Variants in HEMK2 observed in about 807,000 individuals in gnomAD.
HEMK2 encodes HemK methyltransferase 2, ETF1 glutamine and histone H4 lysine, also known as methyltransferase HEMK2.
chr21:28,838,521 G>A, the HEMK2 span, among the ~76,000 whole-genome samples: 18 of 149,822 alleles, frequency 1.2e-4, no homozygotes, highest in East Asian at 3.0e-3. Context: ...GCGACAGAGT[G>A]AGACTCTGTC....
At chr21:28,863,840 T>C in the HEMK2 span, among the ~76,000 whole-genome samples, 2 of 152,110 alleles carry the variant, frequency 1.3e-5, no homozygotes, top group Non-Finnish European at 1.5e-5. Context: ...AATTTATTTA[T>C]TTTTTGAGAC....
the HEMK2 span, among the ~76,000 whole-genome samples, chr21:28,772,970 A>G: frequency 6.6e-6 from 1 of 152,216 alleles, no homozygotes; most frequent in African/African-American, 2.4e-5. Context: ...GATTGATTAA[A>G]TTACATGTAA....
chr21:28,811,444 G>A, the HEMK2 span, among the ~76,000 whole-genome samples: 3,517 of 143,154 alleles, frequency 0.025, 159 homozygotes, highest in African/African-American at 0.087. Flanking sequence ...AGGGACGGAC[G>A]CAGGGAGGGA....
At chr21:28,804,472 C>T in the HEMK2 span, among the ~76,000 whole-genome samples, 3 of 152,150 alleles carry the variant, frequency 2.0e-5, no homozygotes, top group Admixed American at 6.5e-5. Context: ...CAGTGGCTCA[C>T]GCCTGTAATC....
At chr21:28,594,625 A>G in the HEMK2 span, among the ~76,000 whole-genome samples, 116 of 152,344 alleles carry the variant, frequency 7.6e-4, 2 homozygotes, top group Admixed American at 3.3e-3. Flanking sequence ...AGTAGGGGGT[A>G]GTTGTAACTT....
chr21:28,709,027 G>A, the HEMK2 span, among the ~76,000 whole-genome samples: 5 of 152,254 alleles, frequency 3.3e-5, no homozygotes, highest in South Asian at 8.3e-4. Context: ...CTTCTTCCAG[G>A]TTGCAGACTG....
the HEMK2 span, among the ~76,000 whole-genome samples, chr21:28,632,401 G>A: frequency 6.6e-6 from 1 of 152,114 alleles, no homozygotes; most frequent in Admixed American, 6.6e-5. Context: ...TATCAGTTGT[G>A]GCAGCAAAAT....
At chr21:28,665,597 A>G in the HEMK2 span, among the ~76,000 whole-genome samples, 2 of 151,712 alleles carry the variant, frequency 1.3e-5, no homozygotes, top group African/African-American at 2.4e-5. Flanking sequence ...CAGGTGCTGG[A>G]GAGGATGTGG....
the HEMK2 span, among the ~76,000 whole-genome samples, chr21:28,830,772 G>A: frequency 6.6e-6 from 1 of 151,972 alleles, no homozygotes; most frequent in Non-Finnish European, 1.5e-5. Flanking sequence ...AGCTACTTGG[G>A]AGGCTGAGGC....
the HEMK2 span, among the ~76,000 whole-genome samples, chr21:28,862,406 G>A: frequency 1.6e-5 from 2 of 121,616 alleles, no homozygotes; most frequent in South Asian, 2.2e-4. Flanking sequence ...TTGGGAGGCC[G>A]AGGCGGGTGG....
the HEMK2 span, among the ~76,000 whole-genome samples, chr21:28,582,184 G>A: frequency 1.3e-5 from 2 of 152,254 alleles, no homozygotes; most frequent in East Asian, 3.9e-4. Flanking sequence ...TCTGTTTGGG[G>A]ACCACTCAGT....
At chr21:28,721,262 T>C in the HEMK2 span, among the ~76,000 whole-genome samples, 4 of 152,070 alleles carry the variant, frequency 2.6e-5, no homozygotes, top group Admixed American at 1.3e-4. Flanking sequence ...ACTACAGGCA[T>C]GCACCACCAT....
chr21:28,584,320 T>A, the HEMK2 span, among the ~76,000 whole-genome samples: 1 of 152,224 alleles, frequency 6.6e-6, no homozygotes, highest in African/African-American at 2.4e-5. Context: ...GTTGTAAAGA[T>A]TTTATTTACA....
the HEMK2 span, among the ~76,000 whole-genome samples, chr21:28,630,721 T>C: frequency 3.7e-5 from 5 of 135,978 alleles, no homozygotes; most frequent in East Asian, 2.2e-4. Flanking sequence ...TAGGTGGGAA[T>C]TGAACAATGA....
At chr21:28,803,456 G>A in the HEMK2 span, among the ~76,000 whole-genome samples, 1 of 152,098 alleles carries the variant, frequency 6.6e-6, no homozygotes, top group African/African-American at 2.4e-5. Context: ...ATAAAGTCTG[G>A]AGCCCAATGT....
the HEMK2 span, among the ~76,000 whole-genome samples, chr21:28,782,061 A>G: frequency 6.6e-6 from 1 of 152,194 alleles, no homozygotes; most frequent in Non-Finnish European, 1.5e-5. Context: ...ATTTCATTCA[A>G]GATGCAAAAA....
the HEMK2 span, among the ~76,000 whole-genome samples, chr21:28,807,420 T>G: frequency 6.6e-6 from 1 of 152,172 alleles, no homozygotes; most frequent in African/African-American, 2.4e-5. Flanking sequence ...GAGATTAGCA[T>G]GCAGAATTGT....
the HEMK2 span, among the ~76,000 whole-genome samples, chr21:28,801,267 CA>C: frequency 1.3e-5 from 2 of 152,192 alleles, no homozygotes; most frequent in African/African-American, 4.8e-5. Flanking sequence ...GGTTTGGAGA[CA>C]ACTGGGAGCC....
At chr21:28,705,378 TTCTTCAGGAGGCTA>T in the HEMK2 span, among the ~76,000 whole-genome samples, 1 of 152,186 alleles carries the variant, frequency 6.6e-6, no homozygotes, top group Non-Finnish European at 1.5e-5. Flanking sequence ...TTTAAATAAT[TTCTTCAGGAGGCTA>T]CCTTCCTAAC....
Sources: gnomAD v4.1 joint callset for allele counts (sites outside exome capture counted in the v4.1 genomes callset) on GRCh38, gnomAD v4.1.1 for gene constraint, MANE v1.5 for transcripts, NCBI Gene and HGNC (gene_info 2026-07-23, HGNC 2026-07-21) for gene names.